Variants in THRAP3 observed in about 807,000 individuals in gnomAD.
THRAP3 encodes thyroid hormone receptor-associated protein 3.
THRAP3 carries 16 observed loss-of-function variants against 101.0 expected under a neutral mutation model. The observed-to-expected ratio is 0.16, with a 90% CI of 0.11 to 0.24. The LOEUF is 0.24. Ranked by LOEUF, THRAP3 falls within the 10% of genes least tolerant of loss-of-function variation. The pLI, the probability that THRAP3 is intolerant of heterozygous loss-of-function variation, is 1.00. For missense variants in THRAP3, 989 were observed against 1,202.7 expected, an observed-to-expected ratio of 0.82 and a Z score of 2.63; for synonymous variants, 407 against 422.6, an observed-to-expected ratio of 0.96 and a Z score of 0.45.
chr1:36,225,591 G>T (rs191150701), intron 1 of THRAP3: 1 of 152,086 alleles, frequency 6.6e-6, no homozygotes, highest in African/African-American at 2.4e-5. Context: ...TGCGCCGAGA[G>T]AGATGAGGCG....
chr1:36,266,398 G>A (rs553446009), intron 2 of THRAP3, among the ~76,000 whole-genome samples: 2 of 152,236 alleles, frequency 1.3e-5, no homozygotes, highest in Non-Finnish European at 2.9e-5. Flanking sequence ...CTTGAGATAA[G>A]CAGTGCCCCT....
chr1:36,300,437 AC>A (rs764669092), intron 9 of THRAP3, among the ~76,000 whole-genome samples: 3 of 152,316 alleles, frequency 2.0e-5, no homozygotes, highest in Non-Finnish European at 2.9e-5. Flanking sequence ...TATTTAGAGA[AC>A]CCTGTAAGAC....
chr1:36,290,307 T>C (rs1189181288), intron 5 of THRAP3, among the ~76,000 whole-genome samples: 1 of 151,906 alleles, frequency 6.6e-6, no homozygotes, highest in Non-Finnish European at 1.5e-5. Flanking sequence ...GCCATTCTCC[T>C]GCCTCAGCCT....
chr1:36,288,190 T>C (rs1645819770), intron 4 of THRAP3: 15 of 924,974 alleles, frequency 1.6e-5, no homozygotes, highest in Non-Finnish European at 1.9e-5. Flanking sequence ...TTTGGGCGAA[T>C]AGGTGGTGTT....
At chr1:36,281,003 G>GT (rs1210610398) in intron 2 of THRAP3, among the ~76,000 whole-genome samples, 15 of 149,842 alleles carry the variant, frequency 1.0e-4, no homozygotes, top group African/African-American at 3.7e-4. Context: ...TTGGCTCGCT[G>GT]TAACCTCTGC....
intron 2 of THRAP3, among the ~76,000 whole-genome samples, chr1:36,281,897 C>A (rs1645736306): frequency 6.6e-6 from 1 of 151,968 alleles, no homozygotes; most frequent in South Asian, 2.1e-4. Flanking sequence ...AAGGAGAAAC[C>A]CTGTCTCTAC....
intron 1 of THRAP3, among the ~76,000 whole-genome samples, chr1:36,248,855 G>A (rs1645263269): frequency 6.6e-6 from 1 of 151,844 alleles, no homozygotes; most frequent in African/African-American, 2.4e-5. Flanking sequence ...GGTGTTGGAG[G>A]AGATACAAGA....
the THRAP3 span, among the ~76,000 whole-genome samples, chr1:36,218,414 CA>C: frequency 0.029 from 1,153 of 40,110 alleles, 6 homozygotes; most frequent in African/African-American, 0.077. Context: ...GACTCTGTCT[CA>C]AAAAAAAAAA....
At position 36,292,713 on chromosome 1, in the gene THRAP3, A is replaced by T; in HGVS notation, c.2030+4A>T. On this transcript the variant is annotated splice_donor_region_variant and intron_variant, in intron 7 of 11. Coordinates refer to ENST00000354618, the MANE Select transcript of THRAP3 (RefSeq NM_005119.4). ...AGAAAAGCCCAGAGATACACAGGTA[A>T]GGACCATGGCCTTATACTGGAGGTT... The T allele has an allele frequency of 1.2e-6, 2 of 1,608,202 alleles. No homozygotes were observed. Among genetic ancestry groups the T allele is most frequent in the Non-Finnish European group, 1.7e-6 (2 of 1,175,628 alleles).
chr1:36,292,802 T>C lies in THRAP3; in HGVS notation c.2030+93T>C. On this transcript the variant is annotated intron_variant, in intron 7 of 11. Transcript: ENST00000354618. The stretch of plus-strand genomic sequence containing the variant: ...GTTAAATTCTGCTGCTAATGCACCT[T>C]TAATACAAAATTTACAGTAACATCC... 11 of 923,852 alleles carry C rather than the reference T, an allele frequency of 1.2e-5. No homozygotes were observed. The South Asian group carries it at 1.8e-4, about 15-fold the overall frequency. The allele number at this position is 923,852 out of a possible 1,614,324, so 57.2% of individuals were successfully genotyped here. A position where few individuals can be genotyped will look rare whatever the true frequency, so the allele number is the denominator to read the frequency against.
At chr1:36,224,807 C>T (rs993982676) in intron 1 of THRAP3, among the ~76,000 whole-genome samples, 1 of 152,194 alleles carries the variant, frequency 6.6e-6, no homozygotes, top group African/African-American at 2.4e-5. Flanking sequence ...CCACTCCCTA[C>T]TCCTCCCGTT....
rs781047221 is a variant in THRAP3 at position 36,276,217 on chromosome 1, T to TAA, written c.-31-6301_-31-6300dup. On this transcript the variant is annotated intron_variant, in intron 2 of 11. Transcript: ENST00000354618. ...AAAAGAAAAACAGAGTTCAGCAGAG[T>TAA]AAAAAAAAAAAAAAAATGTGCTTCA... 6.9e-3 allele frequency among the ~76,000 whole-genome samples: 872 copies of TAA among 126,756 alleles called. 11 individuals carry two copies. The highest frequency in any genetic ancestry group is 0.023 in the African/African-American group (825 of 35,398). 83.2% of individuals were successfully genotyped at this position (126,756 alleles called of 152,430 possible).
chr1:36,252,959 TATATATATATAA>T (rs1358608101), intron 1 of THRAP3, among the ~76,000 whole-genome samples: 2 of 130,348 alleles, frequency 1.5e-5, no homozygotes, highest in African/African-American at 5.7e-5. Context: ...TATATATATA[TATATATATATAA>T]ATGTAAATAA....
chr1:36,224,086 AG>A, upstream of THRAP3, among the ~76,000 whole-genome samples: 1 of 152,354 alleles, frequency 6.6e-6, no homozygotes, highest in South Asian at 2.1e-4. Flanking sequence ...CTTTTCAACA[AG>A]GCAAGCTGGC....
At chr1:36,280,863 G>A (rs1292562331) in intron 2 of THRAP3, among the ~76,000 whole-genome samples, 2 of 151,552 alleles carry the variant, frequency 1.3e-5, no homozygotes, top group African/African-American at 2.4e-5. Context: ...GGGGAAAAAA[G>A]GAAAAAGACT....
intron 1 of THRAP3, among the ~76,000 whole-genome samples, chr1:36,239,646 T>C (rs2124392892): frequency 1.3e-5 from 2 of 152,304 alleles, no homozygotes; most frequent in Admixed American, 1.3e-4. Context: ...CTGTATCAAG[T>C]GTATTCTAGC....
rs1645832529 is a variant in THRAP3 at position 36,289,174 on chromosome 1, T to C, written c.1155T>C (p.Asp385=). Residue 385 remains aspartate (D), a synonymous_variant, in exon 5 of 12, where the codon GAT becomes GAC. Transcript: ENST00000354618. ...KGSFSDTGLG[D]GKMKSDSFAP... ...GCTTCTCTGACACAGGCTTGGGTGATGGAAAAATGAAATCTGATTCTTTTG... is the reference window on the plus strand; with the variant it reads ...GCTTCTCTGACACAGGCTTGGGTGACGGAAAAATGAAATCTGATTCTTTTG... 6.2e-7 allele frequency: 1 copy of C among 1,613,938 alleles called. No homozygotes were observed. The highest frequency in any genetic ancestry group is 8.5e-7 in the Non-Finnish European group (1 of 1,180,006).
upstream of THRAP3, among the ~76,000 whole-genome samples, chr1:36,219,851 T>G (rs1211737972): frequency 6.6e-6 from 1 of 152,110 alleles, no homozygotes; most frequent in Non-Finnish European, 1.5e-5. Context: ...ACAGACTGAT[T>G]CTCTTTTTTC....
Position 36,296,759 on chromosome 1 carries a change from A to G in THRAP3, c.2292A>G (p.Ser764=). 1 of 1,590,968 alleles carries G rather than the reference A, an allele frequency of 6.3e-7. No homozygotes were observed. The highest frequency in any genetic ancestry group is 8.5e-7 in the Non-Finnish European group (1 of 1,173,462). ...AAACAGAGAAAACTCATAAAGGATC[A>G]AAGAAACAGAAGTACGTAAGCCCCT... ...AEKTEKTHKG[S]KKQKKHRRAR... is the part of the protein sequence containing the mutation. Residue 764 remains serine, a synonymous_variant, in exon 9 of 12, where the codon TCA becomes TCG. Coordinates refer to ENST00000354618, the MANE Select transcript of THRAP3 (RefSeq NM_005119.4).
Sources: gnomAD v4.1 joint callset for allele counts (sites outside exome capture counted in the v4.1 genomes callset) on GRCh38, gnomAD v4.1.1 for gene constraint, MANE v1.5 for transcripts, NCBI Gene and HGNC (gene_info 2026-07-23, HGNC 2026-07-21) for gene names.